TSPAN14: variants seen among roughly 807,000 people sequenced by gnomAD.
The protein encoded by TSPAN14 is tetraspanin 14.
Under a neutral mutation model 36.6 loss-of-function variants are expected in TSPAN14, and 16 were observed. The ratio of observed to expected loss-of-function variants is 0.44; its 90% CI spans 0.30 to 0.66. The LOEUF (loss-of-function observed/expected upper bound fraction) is 0.66. Among genes scored for constraint, TSPAN14 ranks in the 30% least tolerant of loss-of-function variants. The pLI, the probability that TSPAN14 is intolerant of heterozygous loss-of-function variation, is 0.12. For synonymous variants in TSPAN14, 139 were observed against 143.8 expected (o/e 0.97, Z 0.24); for missense variants, 231 against 355.1 (o/e 0.65, Z 2.81).
rs1840504131 is a variant in TSPAN14 at position 80,509,643 on chromosome 10, G to A, written c.450+172G>A. The A allele has an allele frequency of 2.9e-6, 2 of 701,520 alleles. No individual in the cohort carries two copies. Among genetic ancestry groups the A allele is most frequent in the Non-Finnish European group, 2.3e-6 (1 of 439,064 alleles). The allele number at this position is 701,520 out of a possible 1,614,324, so 43.5% of individuals were successfully genotyped here. A position where few individuals can be genotyped will look rare whatever the true frequency, so the allele number is the denominator to read the frequency against. ...CACCTCTGGTCTGTTCCACTTTGCC[G>A]GCTTGTGGTTGCCTGGTGGGCCAGC... is the stretch of plus-strand genomic sequence containing the variant. On this transcript the variant is annotated intron_variant, in intron 5 of 8. Transcript: ENST00000429989. This position sits in a 1 kb window ranked among gnomAD's most constrained non-coding sequence, Gnocchi z 4.7.
At chr10:80,516,095 C>T in intron 7 of TSPAN14, 109 bp from the exon 8 acceptor site, 1 of 1,545,692 alleles carries the variant, frequency 6.5e-7, no homozygotes, top group Non-Finnish European at 8.8e-7. Context: ...CCTCCTGGAT[C>T]CCTCGTTCCC....
In TSPAN14 at chr10:80,495,731, T is replaced by C. The variant is rs575856768; in HGVS notation, c.81+6417T>C. Among the ~76,000 whole-genome samples, 23 of 152,368 alleles carry C rather than the reference T, an allele frequency of 1.5e-4. 1 individual carries two copies. In the East Asian group the frequency reaches 4.4e-3, roughly 29 times the overall value. Reference sequence around the variant, plus strand: ...GGAGTGATTTTTCTTGTTTGTACTTTTTTTCTTTAATGGAAATCCTTTTTA... The same window carrying C: ...GGAGTGATTTTTCTTGTTTGTACTTCTTTTCTTTAATGGAAATCCTTTTTA... On this transcript the variant is annotated intron_variant, in intron 2 of 8. Transcript: ENST00000429989.
At chr10:80,483,549 T>C (rs1321387825) in intron 1 of TSPAN14, among the ~76,000 whole-genome samples, 1 of 152,166 alleles carries the variant, frequency 6.6e-6, no homozygotes. Flanking sequence ...AGTAACCGTT[T>C]CATCTGCTGC....
At chr10:80,481,493 G>A (rs575270134) in intron 1 of TSPAN14, among the ~76,000 whole-genome samples, 1 of 152,182 alleles carries the variant, frequency 6.6e-6, no homozygotes, top group African/African-American at 2.4e-5. Flanking sequence ...GTCATAATAA[G>A]GTCAACTATG....
chr10:80,509,319 C>T lies in TSPAN14; in HGVS notation c.298C>T (p.Leu100Phe), dbSNP rs1840478981. 6.2e-7 allele frequency: 1 copy of T among 1,613,802 alleles called. No individual in the cohort carries two copies. The change falls in exon 5 of 9, where the codon CTC becomes TTC. Residue 100 changes from leucine to phenylalanine, a missense_variant. Physicochemically the swap from Leu to Phe is conservative, Grantham distance 22. Transcript: ENST00000429989. This position sits in a 1 kb window ranked among gnomAD's most constrained non-coding sequence, Gnocchi z 4.7. The stretch of plus-strand genomic sequence containing the variant: ...CCTGCAGTTCTGTGGCACCATCGTG[C>T]TCATCTTCTTCCTGGAGCTGGCTGT...
In TSPAN14 at chr10:80,509,541, A is replaced by C. The variant is rs1165604489; in HGVS notation, c.450+70A>C. The C allele has an allele frequency of 2.4e-5, 36 of 1,525,104 alleles. No homozygotes were observed. Among genetic ancestry groups the C allele is most frequent in the Non-Finnish European group, 3.1e-5 (35 of 1,122,012 alleles). 94.5% of individuals were successfully genotyped at this position (1,525,104 alleles called of 1,614,324 possible). A position where few individuals can be genotyped will look rare whatever the true frequency, so the allele number is the denominator to read the frequency against. On this transcript the variant is annotated intron_variant, in intron 5 of 8. Coordinates refer to ENST00000429989, the Ensembl canonical transcript of TSPAN14. The surrounding 1 kb of genome is among the most constrained non-coding windows in gnomAD (Gnocchi z 4.7). ...TGTGCTGCCTGGAGCTGAGTCTAGC[A>C]GGGGCATCAGGCCTTCTCTGTGGGT... is the stretch of plus-strand genomic sequence containing the variant.
chr10:80,520,300 C>A (rs756066073), exon 9 of TSPAN14: 2 of 295,792 alleles, frequency 6.8e-6, no homozygotes, highest in Non-Finnish European at 1.3e-5. Flanking sequence ...CAACTATAGA[C>A]CCTTCTGGCT....
intron 1 of TSPAN14, among the ~76,000 whole-genome samples, chr10:80,463,413 G>A (rs1472495403): frequency 6.6e-6 from 1 of 152,174 alleles, no homozygotes; most frequent in Non-Finnish European, 1.5e-5. Flanking sequence ...CTCCCCTGAG[G>A]CCGCTGTCAC....
intron 2 of TSPAN14, among the ~76,000 whole-genome samples, chr10:80,502,505 A>G (rs1450715528): frequency 6.6e-6 from 1 of 152,088 alleles, no homozygotes; most frequent in Non-Finnish European, 1.5e-5. Context: ...TGCACTGTGT[A>G]TTTGGAGGCA....
exon 9 of TSPAN14, chr10:80,518,009 G>T (rs759256967): frequency 1.3e-6 from 2 of 1,551,028 alleles, no homozygotes; most frequent in Non-Finnish European, 1.7e-6. Context: ...GCTGAGCCAC[G>T]CTGGGAGGCC....
At chr10:80,515,013 C>T (rs754209448) in intron 7 of TSPAN14, among the ~76,000 whole-genome samples, 16 of 152,062 alleles carry the variant, frequency 1.1e-4, no homozygotes, top group Non-Finnish European at 1.9e-4. Context: ...TTGAACTTCC[C>T]GGCCTCCAGG....
chr10:80,514,880 C>T (rs1393072120), intron 7 of TSPAN14, among the ~76,000 whole-genome samples: 1 of 152,010 alleles, frequency 6.6e-6, no homozygotes, highest in East Asian at 1.9e-4. Flanking sequence ...GATGAGTGTC[C>T]TTATGTAAGA....
chr10:80,481,273 C>A (rs1031309179), intron 1 of TSPAN14, among the ~76,000 whole-genome samples: 2 of 152,160 alleles, frequency 1.3e-5, no homozygotes, highest in African/African-American at 4.8e-5. Flanking sequence ...ATGGAAGGAT[C>A]TCCGAAGGCC....
At chr10:80,474,102 C>T (rs979379831) in intron 1 of TSPAN14, among the ~76,000 whole-genome samples, 2 of 152,036 alleles carry the variant, frequency 1.3e-5, no homozygotes, top group African/African-American at 4.8e-5. Flanking sequence ...AATGTCTAGG[C>T]CCCAGGTGCT....
intron 2 of TSPAN14, among the ~76,000 whole-genome samples, chr10:80,504,002 A>G (rs1413462288): frequency 6.6e-6 from 1 of 152,126 alleles, no homozygotes; most frequent in Admixed American, 6.5e-5. Flanking sequence ...TGTGGTGCAC[A>G]TGGGGTATGG....
chr10:80,519,604 CTT>C (rs1306992756), exon 9 of TSPAN14: 8 of 150,890 alleles, frequency 5.3e-5, no homozygotes, highest in East Asian at 2.0e-4. Context: ...CTGCCAAACT[CTT>C]TTATGGAATA....
chr10:80,516,502 A>T (rs1840949321), intron 8 of TSPAN14, among the ~76,000 whole-genome samples, 179 bp downstream of exon 8: 1 of 152,086 alleles, frequency 6.6e-6, no homozygotes. Context: ...TGTATTGGGG[A>T]GGAGAATGGT....
intron 7 of TSPAN14, 53 bp from the exon 8 acceptor site, chr10:80,516,151 G>A (rs904673521): frequency 4.3e-6 from 7 of 1,612,902 alleles, no homozygotes; most frequent in Non-Finnish European, 5.9e-6. Context: ...AGGGGATCAG[G>A]TGGGGACATC....
At chr10:80,507,092 T>C (rs1333970998) in intron 3 of TSPAN14, 136 bp from the exon 4 acceptor site, 1 of 1,191,184 alleles carries the variant, frequency 8.4e-7, no homozygotes, top group Non-Finnish European at 1.2e-6. Flanking sequence ...GGGGCCGGAC[T>C]CTGGCCTGGC....
Sources: gnomAD v4.1 joint callset for allele counts (sites outside exome capture counted in the v4.1 genomes callset) on GRCh38, gnomAD v4.1.1 for gene constraint, Gnocchi (gnomAD v3.1) non-coding constraint, MANE v1.5 for transcripts, NCBI Gene and HGNC (gene_info 2026-07-23, HGNC 2026-07-21) for gene names.